NR2C2: variants seen among roughly 807,000 people sequenced by gnomAD.
The protein encoded by NR2C2 is nuclear receptor subfamily 2 group C member 2, also known as Nuclear hormone receptor TR4.
In NR2C2, 6 loss-of-function variants were observed where a neutral mutation model predicts 62.9. The observed-to-expected ratio is 0.10, with a 90% CI of 0.05 to 0.19. The LOEUF (loss-of-function observed/expected upper bound fraction) is 0.19, where lower values mean the gene tolerates loss of function less well. Ranked by LOEUF, NR2C2 falls within the 10% of genes least tolerant of loss-of-function variation. The probability of loss-of-function intolerance (pLI) is 1.00; values close to 1 mark genes in which losing one functional copy is unlikely to be tolerated. For synonymous variants in NR2C2, 272 were observed against 273.8 expected (o/e 0.99, Z 0.07); for missense variants, 479 against 762.7 (o/e 0.63, Z 4.38).
At chr3:14,960,013 T>G (rs1031806650) in intron 1 of NR2C2, among the ~76,000 whole-genome samples, 4 of 152,100 alleles carry the variant, frequency 2.6e-5, no homozygotes, top group African/African-American at 9.7e-5. Context: ...GGAAAAAAAT[T>G]AGTTGGATCC....
At chr3:15,007,407 A>G (rs1365338709) in intron 2 of NR2C2, among the ~76,000 whole-genome samples, 2 of 152,018 alleles carry the variant, frequency 1.3e-5, no homozygotes, top group Non-Finnish European at 2.9e-5. Flanking sequence ...GATTACAGGC[A>G]TGAGCCACCG....
At chr3:15,009,093 A>G (rs189685459) in intron 2 of NR2C2, among the ~76,000 whole-genome samples, 47 of 152,268 alleles carry the variant, frequency 3.1e-4, no homozygotes, top group African/African-American at 1.1e-3. Flanking sequence ...ATGGTGACGC[A>G]TACCTGTAAT....
chr3:15,043,066 A>G lies in NR2C2; in HGVS notation c.*58A>G. Reference sequence around the variant, plus strand: ...ATCCTTCCAGGACCGTTCACATACAAAGAAAAGTAGTGGTATTTTGGTATG... The same window carrying G: ...ATCCTTCCAGGACCGTTCACATACAGAGAAAAGTAGTGGTATTTTGGTATG... On this transcript the variant is annotated 3_prime_UTR_variant, in exon 14 of 14. Transcript: ENST00000425241. The G allele has an allele frequency of 6.7e-7, 1 of 1,500,668 alleles. No homozygotes were observed. Among genetic ancestry groups the G allele is most frequent in the Admixed American group, 2.1e-5 (1 of 47,294 alleles). 93.0% of individuals were successfully genotyped at this position (1,500,668 alleles called of 1,614,324 possible). A position where few individuals can be genotyped will look rare whatever the true frequency, so the allele number is the denominator to read the frequency against.
chr3:14,952,889 A>G (rs1418335198), intron 1 of NR2C2, among the ~76,000 whole-genome samples: 2 of 152,198 alleles, frequency 1.3e-5, no homozygotes, highest in Non-Finnish European at 2.9e-5. Flanking sequence ...TACCAAAAGG[A>G]AGAACTGCCC....
chr3:14,947,962 G>A (rs1354534547), intron 1 of NR2C2, 56 bp downstream of exon 1: 2 of 151,282 alleles, frequency 1.3e-5, no homozygotes, highest in Non-Finnish European at 2.9e-5. Flanking sequence ...GGGCGGGCCT[G>A]GCGCGCGGAC....
chr3:15,035,234 G>C (rs923284311), intron 11 of NR2C2, among the ~76,000 whole-genome samples: 1 of 152,216 alleles, frequency 6.6e-6, no homozygotes, highest in Non-Finnish European at 1.5e-5. Flanking sequence ...TGAGGCTGCA[G>C]TGAGCTGTGA....
At chr3:15,006,629 C>G (rs1470283946) in intron 2 of NR2C2, among the ~76,000 whole-genome samples, 3 of 152,130 alleles carry the variant, frequency 2.0e-5, no homozygotes, top group Non-Finnish European at 2.9e-5. Flanking sequence ...ACCTCCCTCT[C>G]TAGGTTCCTG....
chr3:14,991,013 T>G (rs2040656129), intron 1 of NR2C2, among the ~76,000 whole-genome samples: 1 of 152,368 alleles, frequency 6.6e-6, no homozygotes, highest in South Asian at 2.1e-4. Context: ...CATATTGCTC[T>G]TAAATATCTC....
chr3:14,977,921 C>T (rs1420041517), intron 1 of NR2C2, among the ~76,000 whole-genome samples: 1 of 149,518 alleles, frequency 6.7e-6, no homozygotes, highest in Non-Finnish European at 1.5e-5. Flanking sequence ...TGCACTCCAG[C>T]CTGAGTGACA....
intron 1 of NR2C2, among the ~76,000 whole-genome samples, chr3:14,972,734 C>T (rs764141302): frequency 2.0e-5 from 3 of 152,064 alleles, no homozygotes; most frequent in Admixed American, 6.6e-5. Flanking sequence ...ACAGAGAGCA[C>T]GGCAGCATCT....
At chr3:14,976,134 C>T (rs1035232110) in intron 1 of NR2C2, among the ~76,000 whole-genome samples, 4 of 151,998 alleles carry the variant, frequency 2.6e-5, no homozygotes, top group African/African-American at 9.7e-5. Flanking sequence ...AGAATTTGTC[C>T]GTTTCATCTA....
At chr3:15,023,440 C>CAT in intron 6 of NR2C2, 93 bp downstream of exon 6, 1 of 1,401,616 alleles carries the variant, frequency 7.1e-7, no homozygotes, top group South Asian at 1.2e-5. Flanking sequence ...GCTTCCCACC[C>CAT]ATCTGCCATA....
At chr3:14,976,251 G>A (rs1359342398) in intron 1 of NR2C2, among the ~76,000 whole-genome samples, 1 of 152,078 alleles carries the variant, frequency 6.6e-6, no homozygotes, top group Non-Finnish European at 1.5e-5. Flanking sequence ...CCCATTAGAT[G>A]AAGAGACTTT....
Position 15,042,830 on chromosome 3 carries a change from A to G in NR2C2, c.1617-4A>G. The G allele has an allele frequency of 6.2e-7, 1 of 1,613,232 alleles. No individual in the cohort carries two copies. Among genetic ancestry groups the G allele is most frequent in the Non-Finnish European group, 8.5e-7 (1 of 1,179,460 alleles). On this transcript the variant is annotated splice_region_variant and splice_polypyrimidine_tract_variant and intron_variant, in intron 13 of 13. Coordinates refer to ENST00000425241, the MANE Select transcript of NR2C2 (RefSeq NM_001291694.2). ...TCCTTTTCTAATGACACTCCCTTTT[A>G]TAGATTGGCCCGGATCCTCGTTCGC...
At chr3:15,040,433 C>G (rs2042225181) in intron 13 of NR2C2, among the ~76,000 whole-genome samples, 1 of 152,216 alleles carries the variant, frequency 6.6e-6, no homozygotes, top group Non-Finnish European at 1.5e-5. Flanking sequence ...CACACAGGCC[C>G]ACCTTCCCGA....
At chr3:14,972,102 G>T (rs1391655863) in intron 1 of NR2C2, among the ~76,000 whole-genome samples, 2 of 149,316 alleles carry the variant, frequency 1.3e-5, no homozygotes, top group African/African-American at 4.9e-5. Flanking sequence ...GAGCCACCGT[G>T]CCCAGCCATA....
chr3:14,993,095 A>G (rs2040714877), intron 1 of NR2C2, among the ~76,000 whole-genome samples: 1 of 152,194 alleles, frequency 6.6e-6, no homozygotes, highest in Non-Finnish European at 1.5e-5. Context: ...TGCATCTAAT[A>G]TTTTTATATC....
chr3:14,964,968 A>G (rs1018660975), intron 1 of NR2C2, among the ~76,000 whole-genome samples: 4 of 152,114 alleles, frequency 2.6e-5, no homozygotes, highest in African/African-American at 7.2e-5. Flanking sequence ...CACAGGGTGT[A>G]CTCACATACA....
At position 15,028,642 on chromosome 3, in the gene NR2C2, C is replaced by A. The variant is rs376649090; in HGVS notation, c.855C>A (p.Ala285=). Residue 285 remains alanine, a synonymous_variant, in exon 8 of 14, where the codon GCC becomes GCA. Transcript: ENST00000425241. ...GTLANVVTSL[A]NLSESLNNGD... ...TGGCAAATGTAGTGACCTCCCTTGC[C>A]AACCTAAGTGAATCTTTGAACAACG... 9 of 1,613,984 alleles carry A rather than the reference C, an allele frequency of 5.6e-6. No individual in the cohort carries two copies. The African/African-American group carries it at 1.2e-4, about 22-fold the overall frequency.
Sources: allele counts gnomAD v4.1 joint callset (sites outside exome capture counted in the v4.1 genomes callset), GRCh38; gene constraint gnomAD v4.1.1; transcripts MANE v1.5; gene names NCBI Gene and HGNC (gene_info 2026-07-23, HGNC 2026-07-21).